Variants in DNAH5 observed in about 807,000 individuals in gnomAD.
The protein encoded by DNAH5 is axonemal beta dynein heavy chain 5.
In DNAH5, 372 loss-of-function variants were observed where a neutral mutation model predicts 518.2. The observed-to-expected ratio is 0.72, with a 90% CI of 0.66 to 0.78. The LOEUF (loss-of-function observed/expected upper bound fraction) is 0.78. DNAH5 is among the 30% of genes least tolerant of loss of function. The pLI is 0.00. For missense variants in DNAH5, 5,523 were observed against 5,687.0 expected (o/e 0.97, Z 0.93); for synonymous variants, 2,039 against 2,025.9 (o/e 1.01, Z -0.17).
chr5:13,792,184 C>T lies in DNAH5; in HGVS notation c.8258G>A (p.Arg2753Lys). ...VIGVGHYCTQ[R>K]GFSEEVRDSV... The stretch of plus-strand genomic sequence containing the variant: ...ATCTCTCACTTCTTCTGAGAAACCC[C>T]TCTGAGTACAGTAGTGGCCTACCCC... The change falls in exon 50 of 79, where the codon AGG becomes AAG. Residue 2753 changes from arginine (R) to lysine (K), a missense_variant. This residue lies in a region of DNAH5 where 5,121 missense variants were observed against 5,223.3 expected (regional missense o/e 0.98). Coordinates refer to ENST00000265104, the MANE Select transcript of DNAH5 (RefSeq NM_001369.3). 2.5e-6 allele frequency: 4 copies of T among 1,614,000 alleles called. No individual in the cohort carries two copies. Among genetic ancestry groups the T allele is most frequent in the Non-Finnish European group, 3.4e-6 (4 of 1,179,948 alleles).
chr5:13,848,801 T>C (rs1238122633), intron 31 of DNAH5, among the ~76,000 whole-genome samples: 2 of 152,140 alleles, frequency 1.3e-5, no homozygotes, highest in East Asian at 1.9e-4. Flanking sequence ...ATATTGCGAG[T>C]GATGAGGAGC....
Position 13,842,506 on chromosome 5 carries a change from GAAAA to G in DNAH5, c.5272-606_5272-603del, listed in dbSNP as rs1422210741. Among the ~76,000 whole-genome samples the G allele has an allele frequency of 2.2e-3, 194 of 88,032 alleles. 25 individuals carry two copies. Among genetic ancestry groups the G allele is most frequent in the Non-Finnish European group, 4.0e-3 (172 of 42,928 alleles). The allele number at this position is 88,032 out of a possible 152,430, so 57.8% of individuals were successfully genotyped here. ...AAGAGAAAGAAAAGAAAGAAAGAAA[GAAAA>G]AGAAAGAAATCAATTCCAAATAAAC... On this transcript the variant is annotated intron_variant, in intron 32 of 78. Coordinates refer to ENST00000265104, the MANE Select transcript of DNAH5 (RefSeq NM_001369.3).
intron 49 of DNAH5, among the ~76,000 whole-genome samples, chr5:13,793,145 C>T (rs1440260245): frequency 6.6e-6 from 1 of 152,166 alleles, no homozygotes; most frequent in Non-Finnish European, 1.5e-5. Context: ...AAAGTATAAG[C>T]TACATAAACT....
intron 25 of DNAH5, among the ~76,000 whole-genome samples, chr5:13,867,237 C>T (rs1769385410): frequency 6.6e-6 from 1 of 152,164 alleles, no homozygotes; most frequent in Admixed American, 6.6e-5. Flanking sequence ...TCCATCCCCA[C>T]CCAAATCTCA....
At chr5:13,923,975 G>A (rs1264162596) in intron 3 of DNAH5, among the ~76,000 whole-genome samples, 3 of 152,148 alleles carry the variant, frequency 2.0e-5, no homozygotes, top group East Asian at 3.9e-4. Flanking sequence ...GAACCCAGGA[G>A]GCGGAGGTTG....
At chr5:13,839,630 T>C in intron 34 of DNAH5, 102 bp from the exon 35 acceptor site, 2 of 1,073,150 alleles carry the variant, frequency 1.9e-6, no homozygotes, top group Non-Finnish European at 2.8e-6. Context: ...TAAATGAAAC[T>C]CACAGACAAC....
chr5:13,731,676 T>C (rs771733720), intron 68 of DNAH5, among the ~76,000 whole-genome samples: 7 of 152,192 alleles, frequency 4.6e-5, no homozygotes, highest in African/African-American at 1.2e-4. Context: ...AAAAAGTAAG[T>C]TGGAGTTTTT....
At position 13,793,688 on chromosome 5, in the gene DNAH5, C is replaced by T. The variant is rs1757374249; in HGVS notation, c.8051G>A (p.Gly2684Glu). Residue 2684 changes from glycine (G) to glutamate (E), a missense_variant, in exon 49 of 79, where the codon GGA becomes GAA. Around this residue, in one of 3 missense-constraint regions of DNAH5, gnomAD observed 5,121 missense variants for 5,223.3 expected, o/e 0.98. Coordinates refer to ENST00000265104, the MANE Select transcript of DNAH5 (RefSeq NM_001369.3). ...EIVRQLMEQNGFYNLEKPGEF... is the reference protein window; with the variant it reads ...EIVRQLMEQNEFYNLEKPGEF... ...CCCAGGCTTCTCTAGATTATAGAAT[C>T]CATTTTGTTCCATCAGCTGTCGCAC... The T allele has an allele frequency of 6.2e-7, 1 of 1,614,110 alleles. No homozygotes were observed. Among genetic ancestry groups the T allele is most frequent in the Non-Finnish European group, 8.5e-7 (1 of 1,180,036 alleles).
In DNAH5 at chr5:13,735,925, C is replaced by T. The variant is rs200744540; in HGVS notation, c.11463G>A (p.Thr3821=). Residue 3821 remains threonine, a synonymous_variant, in exon 67 of 79, where the codon ACG becomes ACA. Coordinates refer to ENST00000265104, the MANE Select transcript of DNAH5 (RefSeq NM_001369.3). The stretch of plus-strand genomic sequence containing the variant: ...TGAGGAAGTAGAGGATGCTGCCCCG[C>T]GTAGCCACTGGAAGACAAAGAGCAA... ...SAREEYRPVA[T]RGSILYFLIT... 100 of 1,613,718 alleles carry T rather than the reference C, an allele frequency of 6.2e-5. 2 individuals carry two copies. In the South Asian group the frequency reaches 7.4e-4, roughly 12 times the overall value.
rs576455085 is a variant in DNAH5, at chr5:13,942,918, A to AT, written c.57+1463dup. Among the ~76,000 whole-genome samples, 224 of 152,112 alleles carry AT rather than the reference A, an allele frequency of 1.5e-3. 1 individual carries two copies. The highest frequency in any genetic ancestry group is 2.9e-3 in the Admixed American group (44 of 15,276). Reference sequence around the variant, plus strand: ...ATGCTTTACCAAGTGTCACTGAATAATTTTTTTTCTTTAACACAGTGCACT... The same window carrying AT: ...ATGCTTTACCAAGTGTCACTGAATAATTTTTTTTTCTTTAACACAGTGCACT... On this transcript the variant is annotated intron_variant, in intron 1 of 78. Coordinates refer to ENST00000265104, the MANE Select transcript of DNAH5 (RefSeq NM_001369.3).
intron 65 of DNAH5, among the ~76,000 whole-genome samples, chr5:13,748,594 T>C (rs1048424081): frequency 3.9e-5 from 6 of 152,156 alleles, no homozygotes; most frequent in East Asian, 1.9e-4. Context: ...AGGTCCTTCA[T>C]ATCCCTTGTA....
chr5:14,008,897 C>A, intron 1 of DNAH5, among the ~76,000 whole-genome samples: 1 of 152,190 alleles, frequency 6.6e-6, no homozygotes, highest in East Asian at 1.9e-4. Context: ...TTCATTCCAC[C>A]AGTTCTATGC....
Position 13,850,600 on chromosome 5 carries a change from T to TA in DNAH5, c.5114+51dup. ...TGGCTAATGCTATCTAGTCTCCCTG[T>TA]ATCCTTTTGTCTCAAGGATACCGAG... is the stretch of plus-strand genomic sequence containing the variant. On this transcript the variant is annotated intron_variant, in intron 31 of 78. Coordinates refer to ENST00000265104, the MANE Select transcript of DNAH5 (RefSeq NM_001369.3). 15 of 1,545,602 alleles carry TA rather than the reference T, an allele frequency of 9.7e-6. No individual in the cohort carries two copies. In the South Asian group the frequency reaches 1.6e-4, roughly 16 times the overall value.
chr5:13,738,858 C>T (rs1016569082), intron 65 of DNAH5, among the ~76,000 whole-genome samples: 2 of 152,174 alleles, frequency 1.3e-5, no homozygotes, highest in South Asian at 2.1e-4. Context: ...TAAAATGATA[C>T]GTACAAATTT....
intron 22 of DNAH5, among the ~76,000 whole-genome samples, chr5:13,874,079 A>G (rs900900497): frequency 2.0e-5 from 3 of 152,188 alleles, no homozygotes; most frequent in African/African-American, 7.2e-5. Context: ...GGATGTTGAT[A>G]CTTCCCATCC....
intron 1 of DNAH5, among the ~76,000 whole-genome samples, chr5:13,938,313 T>C (rs1243264007): frequency 6.6e-6 from 1 of 152,122 alleles, no homozygotes; most frequent in Non-Finnish European, 1.5e-5. Context: ...GCCTACAGCA[T>C]TCACCTCACT....
intron 1 of DNAH5, among the ~76,000 whole-genome samples, chr5:13,998,000 C>T (rs927233055): frequency 2.6e-5 from 4 of 151,906 alleles, no homozygotes; most frequent in Non-Finnish European, 2.9e-5. Flanking sequence ...TGTACCACCA[C>T]GCCCAGCTAA....
intron 41 of DNAH5, among the ~76,000 whole-genome samples, chr5:13,817,896 C>T (rs1445684648): frequency 2.0e-5 from 3 of 152,076 alleles, no homozygotes; most frequent in Non-Finnish European, 1.5e-5. Context: ...ACTTTTTTAT[C>T]TTCTTTAGAG....
At chr5:13,981,753 C>T (rs1351806474) in intron 1 of DNAH5, among the ~76,000 whole-genome samples, 1 of 152,166 alleles carries the variant, frequency 6.6e-6, no homozygotes, top group East Asian at 1.9e-4. Context: ...AGTCTGACAT[C>T]ATCTTGATCT....
Sources: allele counts gnomAD v4.1 joint callset (sites outside exome capture counted in the v4.1 genomes callset), GRCh38; gene constraint gnomAD v4.1.1; regional missense constraint gnomAD v4.1.1; transcripts MANE v1.5; gene names NCBI Gene and HGNC (gene_info 2026-07-23, HGNC 2026-07-21).